Variants in SLC9C2 observed in about 807,000 individuals in gnomAD.
SLC9C2 encodes the protein solute carrier family 9 member C2 (putative), also known as sodium/hydrogen exchanger 11.
Under a neutral mutation model 140.2 loss-of-function variants are expected in SLC9C2, and 75 were observed. That is an observed-to-expected ratio of 0.53 (90% CI 0.44 to 0.65). The LOEUF is 0.65. Ranked by LOEUF, SLC9C2 falls within the 30% of genes least tolerant of loss-of-function variation. The probability of loss-of-function intolerance (pLI) is 0.00; values close to 1 mark genes in which losing one functional copy is unlikely to be tolerated. For synonymous variants in SLC9C2, 375 were observed against 420.9 expected (o/e 0.89, Z 1.34); for missense variants, 1,074 against 1,331.8 (o/e 0.81, Z 3.01).
chr1:173,554,685 T>C lies in SLC9C2; in HGVS notation c.1297+48A>G. ...CCCCATGACACCCAACAATAACCTG[T>C]TTGTATTATTCTCCCCAGCTAATTC... On this transcript the variant is annotated intron_variant, in intron 11 of 27. Transcript: ENST00000367714. 3 of 1,196,648 alleles carry C rather than the reference T, an allele frequency of 2.5e-6. 1 individual carries two copies. The highest frequency in any genetic ancestry group is 2.5e-6 in the Non-Finnish European group (2 of 805,538). 74.1% of individuals were successfully genotyped at this position (1,196,648 alleles called of 1,614,324 possible).
At chr1:173,601,536 T>C in intron 2 of SLC9C2, 114 bp downstream of exon 2, 1 of 1,159,228 alleles carries the variant, frequency 8.6e-7, no homozygotes, top group South Asian at 1.5e-5. Flanking sequence ...TTCACTCATG[T>C]CTTATCGTTT....
chr1:173,594,059 C>T (rs142187663), intron 4 of SLC9C2, among the ~76,000 whole-genome samples: 156 of 152,232 alleles, frequency 1.0e-3, no homozygotes, highest in African/African-American at 3.6e-3. Flanking sequence ...AGAAGAATGA[C>T]AATTAGATTG....
intron 17 of SLC9C2, among the ~76,000 whole-genome samples, chr1:173,531,999 T>A (rs1051489624): frequency 6.6e-6 from 1 of 152,150 alleles, no homozygotes; most frequent in Admixed American, 6.6e-5. Flanking sequence ...ACTCAGCTCA[T>A]AAGGCAAAAA....
chr1:173,522,601 T>A (rs770676117), intron 21 of SLC9C2, among the ~76,000 whole-genome samples: 4 of 152,236 alleles, frequency 2.6e-5, no homozygotes, highest in African/African-American at 4.8e-5. Flanking sequence ...TTTTAATAGA[T>A]AATACTAATA....
intron 13 of SLC9C2, among the ~76,000 whole-genome samples, chr1:173,541,734 C>A (rs1662437938): frequency 6.6e-6 from 1 of 152,132 alleles, no homozygotes; most frequent in South Asian, 2.1e-4. Flanking sequence ...TACATGGAAA[C>A]TGAACAACCG....
At chr1:173,599,597 T>C (rs1001311696) in intron 3 of SLC9C2, among the ~76,000 whole-genome samples, 7 of 151,288 alleles carry the variant, frequency 4.6e-5, no homozygotes, top group Non-Finnish European at 7.4e-5. Flanking sequence ...GGATGGTCTT[T>C]CCTTGCTTTC....
intron 27 of SLC9C2, among the ~76,000 whole-genome samples, chr1:173,501,775 T>C (rs895729456): frequency 6.6e-6 from 1 of 152,114 alleles, no homozygotes; most frequent in Non-Finnish European, 1.5e-5. Context: ...AGGAAGGCCC[T>C]AGGAGGGCTG....
chr1:173,593,314 G>A (rs905637441), intron 4 of SLC9C2, among the ~76,000 whole-genome samples: 2 of 152,146 alleles, frequency 1.3e-5, no homozygotes, highest in Admixed American at 6.5e-5. Flanking sequence ...GAGGTCAGGA[G>A]TTTGAGACCA....
At chr1:173,585,943 G>A (rs1665826699) in intron 5 of SLC9C2, among the ~76,000 whole-genome samples, 1 of 151,764 alleles carries the variant, frequency 6.6e-6, no homozygotes, top group African/African-American at 2.4e-5. Context: ...ACTCCAGCCT[G>A]GGGTATAGAG....
rs184601605 is a variant in SLC9C2 at position 173,575,830 on chromosome 1, G to A, written c.902+831C>T. On this transcript the variant is annotated intron_variant, in intron 8 of 27. Coordinates refer to ENST00000367714, the MANE Select transcript of SLC9C2 (RefSeq NM_178527.4). Reference sequence around the variant, plus strand: ...CCTGACCTCGTGATCCGCCTGCCTCGGCCTCCCAAAGTGCTGGGATTACAG... The same window carrying A: ...CCTGACCTCGTGATCCGCCTGCCTCAGCCTCCCAAAGTGCTGGGATTACAG... 1.8e-4 allele frequency among the ~76,000 whole-genome samples: 27 copies of A among 152,104 alleles called. No individual in the cohort carries two copies. In the East Asian group the frequency reaches 4.4e-3, roughly 25 times the overall value.
chr1:173,575,285 C>T (rs1380219667), intron 8 of SLC9C2, among the ~76,000 whole-genome samples: 1 of 151,986 alleles, frequency 6.6e-6, no homozygotes, highest in Non-Finnish European at 1.5e-5. Context: ...ATTTTCGTGG[C>T]CCCAGACCTA....
rs192314693 is a variant in SLC9C2 at position 173,526,809 on chromosome 1, A to G, written c.2314-95T>C. On this transcript the variant is annotated intron_variant, in intron 18 of 27. Coordinates refer to ENST00000367714, the MANE Select transcript of SLC9C2 (RefSeq NM_178527.4). Reference sequence around the variant, plus strand: ...ATGCATTTCTTCTTATATTCCTGAGAAGCATACTTATTATACCAAGTATAG... The same window carrying G: ...ATGCATTTCTTCTTATATTCCTGAGGAGCATACTTATTATACCAAGTATAG... The G allele has an allele frequency of 5.9e-6, 5 of 841,902 alleles. No individual in the cohort carries two copies. The Admixed American group carries it at 8.7e-5, about 15-fold the overall frequency. The allele number at this position is 841,902 out of a possible 1,614,324, so 52.2% of individuals were successfully genotyped here. A position where few individuals can be genotyped will look rare whatever the true frequency, so the allele number is the denominator to read the frequency against.
chr1:173,523,847 T>C lies in SLC9C2; in HGVS notation c.2640+122A>G, dbSNP rs1388915803. 1.6e-5 allele frequency: 21 copies of C among 1,321,264 alleles called. No individual in the cohort carries two copies. In the East Asian group the frequency reaches 4.7e-4, roughly 30 times the overall value. 81.8% of individuals were successfully genotyped at this position (1,321,264 alleles called of 1,614,324 possible). A position where few individuals can be genotyped will look rare whatever the true frequency, so the allele number is the denominator to read the frequency against. On this transcript the variant is annotated intron_variant, in intron 21 of 27. Transcript: ENST00000367714. ...TCCTCTAGGCTTTCCTGGGCCTCCA[T>C]TTTGGCTTTCCCTGAATTGGCCAGT...
At chr1:173,557,104 A>G (rs1406306614) in intron 10 of SLC9C2, among the ~76,000 whole-genome samples, 1 of 152,180 alleles carries the variant, frequency 6.6e-6, no homozygotes, top group Non-Finnish European at 1.5e-5. Flanking sequence ...TGAATGGTGG[A>G]GTCCAGATCA....
chr1:173,588,118 T>C (rs923672647), intron 4 of SLC9C2, among the ~76,000 whole-genome samples: 2 of 152,224 alleles, frequency 1.3e-5, no homozygotes, highest in Non-Finnish European at 2.9e-5. Context: ...TGCAAATTTC[T>C]CCTGCTTCTA....
intron 4 of SLC9C2, among the ~76,000 whole-genome samples, chr1:173,594,022 G>A (rs1256912365): frequency 3.9e-5 from 6 of 152,136 alleles, no homozygotes; most frequent in Non-Finnish European, 8.8e-5. Flanking sequence ...GAGACAATCT[G>A]AAAAGAGAGA....
At position 173,601,633 on chromosome 1, in the gene SLC9C2, C is replaced by A; in HGVS notation, c.127+17G>T. 6.2e-7 allele frequency: 1 copy of A among 1,611,368 alleles called. No homozygotes were observed. The highest frequency in any genetic ancestry group is 1.1e-5 in the South Asian group (1 of 90,474). Reference sequence around the variant, plus strand: ...CACAGGGCAGAGGAAAGATGAGTTTCAAAAACAACCACCTACCTCCCAAAA... The same window carrying A: ...CACAGGGCAGAGGAAAGATGAGTTTAAAAAACAACCACCTACCTCCCAAAA... On this transcript the variant is annotated intron_variant, in intron 2 of 27. Coordinates refer to ENST00000367714, the MANE Select transcript of SLC9C2 (RefSeq NM_178527.4).
rs1290700312 is a variant in SLC9C2 at position 173,571,968 on chromosome 1, A to G, written c.1046+1214T>C. On this transcript the variant is annotated intron_variant, in intron 9 of 27. Coordinates refer to ENST00000367714, the MANE Select transcript of SLC9C2 (RefSeq NM_178527.4). ...AAACTCACTTCACTGAGCATTTACT[A>G]TGTGCCAGGCATGGTGCTAAATTCT... Among the ~76,000 whole-genome samples the G allele has an allele frequency of 4.6e-5, 7 of 152,332 alleles. No homozygotes were observed. The East Asian group carries it at 1.2e-3, about 25-fold the overall frequency.
At chr1:173,543,488 G>C (rs1662595555) in intron 13 of SLC9C2, among the ~76,000 whole-genome samples, 1 of 152,148 alleles carries the variant, frequency 6.6e-6, no homozygotes, top group Non-Finnish European at 1.5e-5. Context: ...TTTCTTCACA[G>C]AATTGGAAAA....
Sources: gnomAD v4.1 joint callset for allele counts (sites outside exome capture counted in the v4.1 genomes callset) on GRCh38, gnomAD v4.1.1 for gene constraint, MANE v1.5 for transcripts, NCBI Gene and HGNC (gene_info 2026-07-23, HGNC 2026-07-21) for gene names.